Variants in AR observed in about 807,000 individuals in gnomAD.
AR encodes the protein dihydrotestosterone receptor.
In AR, 8 loss-of-function variants were observed where a neutral mutation model predicts 53.9. The ratio of observed to expected loss-of-function variants is 0.15; its 90% CI spans 0.09 to 0.27. The LOEUF is 0.27. Ranked by LOEUF, AR falls within the 10% of genes least tolerant of loss-of-function variation. The probability of loss-of-function intolerance (pLI) is 1.00; values close to 1 mark genes in which losing one functional copy is unlikely to be tolerated. For synonymous variants in AR, 359 were observed against 316.4 expected, an observed-to-expected ratio of 1.13 and a Z score of -1.43; for missense variants, 639 against 742.5, an observed-to-expected ratio of 0.86 and a Z score of 1.62.
At chrX:67,592,282 A>G (rs1364908222) in intron 1 of AR, among the ~76,000 whole-genome samples, 2 of 112,251 alleles carry the variant, frequency 1.8e-5, no homozygotes, top group Non-Finnish European at 3.8e-5. Context: ...TCAACTCTAC[A>G]GATCTCTCAC....
intron 1 of AR, among the ~76,000 whole-genome samples, chrX:67,641,275 C>A (rs191042881): frequency 1.8e-5 from 2 of 111,860 alleles, no homozygotes; most frequent in Admixed American, 1.9e-4. Context: ...TGATACACAG[C>A]TACCTGGTAG....
chrX:67,723,451 A>G (rs907324176), intron 7 of AR, among the ~76,000 whole-genome samples: 5 of 102,255 alleles, frequency 4.9e-5, no homozygotes, highest in African/African-American at 1.8e-4. Context: ...ATGGTATAAG[A>G]CATCTCTTGG....
intron 1 of AR, among the ~76,000 whole-genome samples, chrX:67,630,216 CT>C (rs1924994935): frequency 1.8e-5 from 2 of 110,886 alleles, no homozygotes; most frequent in South Asian, 7.8e-4. Context: ...TCTCGTTGAT[CT>C]GTCTAATGTT....
At chrX:67,638,968 TGA>T (rs1925601041) in intron 1 of AR, among the ~76,000 whole-genome samples, 6 of 111,991 alleles carry the variant, frequency 5.4e-5, no homozygotes, top group Admixed American at 2.8e-4. Context: ...AGGTCTTACG[TGA>T]CTCATCTTGA....
chrX:67,638,590 T>C (rs1925577149), intron 1 of AR, among the ~76,000 whole-genome samples: 1 of 112,482 alleles, frequency 8.9e-6, no homozygotes, highest in Admixed American at 9.4e-5. Context: ...ATGAGCTTTT[T>C]TTCATGTTTG....
chrX:67,546,880 G>A (rs1929788249), intron 1 of AR, 118 bp downstream of exon 1: 8 of 872,300 alleles, frequency 9.2e-6, no homozygotes, highest in Non-Finnish European at 1.3e-5. Flanking sequence ...GGAGAGCTCA[G>A]CAGGGTAAAC....
intron 1 of AR, among the ~76,000 whole-genome samples, chrX:67,633,268 T>C (rs576466107): frequency 2.7e-5 from 3 of 112,014 alleles, no homozygotes; most frequent in African/African-American, 6.5e-5. Flanking sequence ...AGGTAGTTTT[T>C]CTATCCTCAC....
rs751555466 is a variant in AR at position 67,716,242 on chromosome X, A to G, written c.2174-1236A>G. On this transcript the variant is annotated intron_variant, in intron 4 of 7. Transcript: ENST00000374690. Reference sequence around the variant, plus strand: ...AGTCTTGTGGGGGAGACAGACATGTATATACATAGACTTCAATGCTGTGTA... The same window carrying G: ...AGTCTTGTGGGGGAGACAGACATGTGTATACATAGACTTCAATGCTGTGTA... Among the ~76,000 whole-genome samples, 4 of 112,252 alleles carry G rather than the reference A, an allele frequency of 3.6e-5. No individual in the cohort carries two copies. The South Asian group carries it at 1.1e-3, about 31-fold the overall frequency.
chrX:67,610,932 A>G (rs1033661953), intron 1 of AR, among the ~76,000 whole-genome samples: 1 of 111,560 alleles, frequency 9.0e-6, no homozygotes, highest in Non-Finnish European at 1.9e-5. Context: ...AAGTTGCTTA[A>G]TTTCTTTGCC....
intron 1 of AR, among the ~76,000 whole-genome samples, chrX:67,562,969 C>T (rs1419526077): frequency 8.9e-6 from 1 of 112,139 alleles, no homozygotes; most frequent in Non-Finnish European, 1.9e-5. Flanking sequence ...CCATATCTGT[C>T]TATCTATTGG....
intron 1 of AR, among the ~76,000 whole-genome samples, chrX:67,629,934 G>A (rs1384363078): frequency 9.0e-6 from 1 of 111,432 alleles, no homozygotes; most frequent in Admixed American, 9.5e-5. Flanking sequence ...CAGTTTCCAT[G>A]TAGTTGAGCG....
At chrX:67,564,449 G>T (rs183646699) in intron 1 of AR, among the ~76,000 whole-genome samples, 6 of 111,857 alleles carry the variant, frequency 5.4e-5, no homozygotes, top group African/African-American at 1.9e-4. Context: ...AGGAGCAGTC[G>T]TACCAGTGTC....
chrX:67,711,962 C>G (rs1313576962), intron 4 of AR, among the ~76,000 whole-genome samples: 1 of 112,258 alleles, frequency 8.9e-6, no homozygotes, highest in Non-Finnish European at 1.9e-5. Flanking sequence ...CAAAAATGGT[C>G]AGCAAATTTT....
chrX:67,643,758 A>G (rs552152289), intron 2 of AR, among the ~76,000 whole-genome samples: 1 of 111,836 alleles, frequency 8.9e-6, no homozygotes, highest in Non-Finnish European at 1.9e-5. Flanking sequence ...TCCTTATTAG[A>G]GAGGTTAGAA....
intron 1 of AR, among the ~76,000 whole-genome samples, chrX:67,638,968 T>C (rs1925600863): frequency 8.9e-6 from 1 of 112,038 alleles, no homozygotes; most frequent in Non-Finnish European, 1.9e-5. Context: ...AGGTCTTACG[T>C]GACTCATCTT....
At chrX:67,653,444 G>T (rs774016855) in intron 2 of AR, among the ~76,000 whole-genome samples, 5 of 111,700 alleles carry the variant, frequency 4.5e-5, no homozygotes, top group Non-Finnish European at 9.4e-5. Context: ...AGGAGTTAAG[G>T]GTTGATCTGG....
At position 67,545,368 on chromosome X, in the gene AR, GCA is replaced by G; in HGVS notation, c.223_224del (p.Gln75AlafsTer8). ...AGCAGCAGCAGCAGCAGCAGCAGCAGCAGCAGCAGCAGCAGCAAGAGACTAGC... is the reference window on the plus strand; with the variant it reads ...AGCAGCAGCAGCAGCAGCAGCAGCAGGCAGCAGCAGCAGCAAGAGACTAGC... ...QQQQQQQQQQ[Q>X]QQQQQETSPR... is the part of the protein sequence containing the mutation. On this transcript the variant is annotated frameshift_variant, in exon 1 of 8. Coordinates refer to ENST00000374690, the MANE Select transcript of AR (RefSeq NM_000044.6). LOFTEE classifies it high-confidence loss of function. The G allele has an allele frequency of 3.4e-6, 4 of 1,181,928 alleles. No homozygotes were observed. The highest frequency in any genetic ancestry group is 2.3e-5 in the Admixed American group (1 of 43,566).
intron 1 of AR, among the ~76,000 whole-genome samples, chrX:67,565,573 A>C (rs1474893853): frequency 8.9e-6 from 1 of 111,847 alleles, no homozygotes; most frequent in Admixed American, 9.5e-5. Flanking sequence ...ACTCTTCAAA[A>C]TCAACTTGGA....
intron 3 of AR, among the ~76,000 whole-genome samples, chrX:67,707,782 G>A (rs949140418): frequency 8.0e-5 from 9 of 111,890 alleles, no homozygotes; most frequent in African/African-American, 1.3e-4. Flanking sequence ...GGCTGGTACC[G>A]GTTGTTCCTT....
Sources: allele counts gnomAD v4.1 joint callset (sites outside exome capture counted in the v4.1 genomes callset), GRCh38; gene constraint gnomAD v4.1.1; transcripts MANE v1.5; gene names NCBI Gene and HGNC (gene_info 2026-07-23, HGNC 2026-07-21).